HIBADH: variants seen among roughly 807,000 people sequenced by gnomAD.
HIBADH encodes 3-hydroxyisobutyrate dehydrogenase.
A neutral mutation model predicts 36.1 loss-of-function variants in HIBADH; 25 were observed. That is an observed-to-expected ratio of 0.69 (90% CI 0.50 to 0.97). The LOEUF (loss-of-function observed/expected upper bound fraction) is 0.97. HIBADH is among the 50% of genes least tolerant of loss of function. HIBADH has a pLI of 0.00. For missense variants in HIBADH, 421 were observed against 418.0 expected (o/e 1.01, Z -0.06); for synonymous variants, 160 against 149.5 (o/e 1.07, Z -0.51).
chr7:27,628,638 AT>A (rs1010133062), intron 4 of HIBADH, among the ~76,000 whole-genome samples: 2 of 152,092 alleles, frequency 1.3e-5, no homozygotes, highest in African/African-American at 4.8e-5. Flanking sequence ...ACTTTTAACC[AT>A]GTTAACATGG....
intron 4 of HIBADH, among the ~76,000 whole-genome samples, chr7:27,581,742 A>C (rs1208107898): frequency 6.6e-6 from 1 of 152,112 alleles, no homozygotes; most frequent in Non-Finnish European, 1.5e-5. Context: ...TTCAAAGTTC[A>C]GAAGACTCTG....
chr7:27,569,317 G>A (rs1309904820), intron 4 of HIBADH, among the ~76,000 whole-genome samples: 2 of 152,106 alleles, frequency 1.3e-5, no homozygotes, highest in African/African-American at 4.8e-5. Context: ...TTGGTATCTT[G>A]TCTCTTCCCT....
intron 4 of HIBADH, among the ~76,000 whole-genome samples, chr7:27,629,039 T>C (rs10951174): frequency 0.16 from 24,741 of 152,036 alleles, 2,183 homozygotes; most frequent in Middle Eastern, 0.2. Context: ...GTTCAATTTC[T>C]TTAACAGTTA....
chr7:27,662,709 C>A lies in HIBADH; in HGVS notation c.80G>T (p.Ser27Ile). 7.3e-7 allele frequency: 1 copy of A among 1,368,464 alleles called. No homozygotes were observed. The highest frequency in any genetic ancestry group is 9.5e-7 in the Non-Finnish European group (1 of 1,054,390). The allele number at this position is 1,368,464 out of a possible 1,614,324, so 84.8% of individuals were successfully genotyped here. Residue 27 changes from serine (S) to isoleucine (I), a missense_variant, in exon 1 of 8, where the codon AGC becomes ATC. Transcript: ENST00000265395. ...CGTGAGGTCCTTACCCGCTGCAAAGCTGCCGGCTGCCGGCCGCAGCCGCCG... is the reference window on the plus strand; with the variant it reads ...CGTGAGGTCCTTACCCGCTGCAAAGATGCCGGCTGCCGGCCGCAGCCGCCG... ...WSRRLRPAAG[S>I]FAAVCSRSVA... is the part of the protein sequence containing the mutation.
intron 2 of HIBADH, among the ~76,000 whole-genome samples, chr7:27,637,023 T>A (rs571902050): frequency 6.6e-6 from 1 of 152,316 alleles, no homozygotes; most frequent in African/African-American, 2.4e-5. Context: ...CTGGACTCAA[T>A]AATGCAGCTG....
intron 4 of HIBADH, among the ~76,000 whole-genome samples, chr7:27,613,307 T>C (rs1241205741): frequency 4.0e-4 from 4 of 10,084 alleles, no homozygotes; most frequent in African/African-American, 2.9e-3. Context: ...TTTTGTTTTA[T>C]ATATATATAT....
At chr7:27,575,147 G>A (rs1245316129) in intron 4 of HIBADH, among the ~76,000 whole-genome samples, 1 of 152,148 alleles carries the variant, frequency 6.6e-6, no homozygotes, top group Non-Finnish European at 1.5e-5. Flanking sequence ...TGCCAAATAG[G>A]TTTTTTAATT....
chr7:27,560,710 T>G (rs1241962441), intron 4 of HIBADH, among the ~76,000 whole-genome samples: 1 of 152,228 alleles, frequency 6.6e-6, no homozygotes, highest in East Asian at 1.9e-4. Context: ...ATACCACATT[T>G]TGTTTGTCCA....
intron 3 of HIBADH, among the ~76,000 whole-genome samples, 167 bp downstream of exon 3, chr7:27,632,169 A>C (rs567190966): frequency 2.0e-5 from 3 of 152,316 alleles, no homozygotes; most frequent in African/African-American, 7.2e-5. Flanking sequence ...GACTTCAGTG[A>C]AAAAATAAGC....
At position 27,530,352 on chromosome 7, in the gene HIBADH, C is replaced by T. The variant is rs757298557; in HGVS notation, c.852+840G>A. 1.3e-3 allele frequency among the ~76,000 whole-genome samples: 204 copies of T among 152,206 alleles called. 1 individual carries two copies. Among genetic ancestry groups the T allele is most frequent in the Non-Finnish European group, 2.4e-3 (161 of 68,020 alleles). On this transcript the variant is annotated intron_variant, in intron 7 of 7. Transcript: ENST00000265395. Reference sequence around the variant, plus strand: ...TCCTGAGTAGCTGGGCTTACAGACACGCACCACCACGCCCGACTAATTTTT... The same window carrying T: ...TCCTGAGTAGCTGGGCTTACAGACATGCACCACCACGCCCGACTAATTTTT...
chr7:27,527,453 A>C (rs1328236939), intron 7 of HIBADH, among the ~76,000 whole-genome samples: 2 of 152,236 alleles, frequency 1.3e-5, no homozygotes, highest in Admixed American at 1.3e-4. Context: ...GATGAATTCA[A>C]GGCATATTCA....
At chr7:27,545,177 ACAT>A (rs1210000657) in intron 4 of HIBADH, among the ~76,000 whole-genome samples, 18 of 152,210 alleles carry the variant, frequency 1.2e-4, no homozygotes, top group African/African-American at 4.3e-4. Context: ...ATAGTGGCTC[ACAT>A]CTGTAATCCC....
At chr7:27,647,670 T>A (rs1450248323) in intron 2 of HIBADH, 2 of 384,134 alleles carry the variant, frequency 5.2e-6, no homozygotes, top group Non-Finnish European at 1.1e-5. Flanking sequence ...CCTTCATACC[T>A]ACCTAAAATT....
chr7:27,633,955 T>A (rs545199529), intron 2 of HIBADH, among the ~76,000 whole-genome samples: 10 of 152,310 alleles, frequency 6.6e-5, no homozygotes, highest in Middle Eastern at 3.4e-3. Context: ...TTTATGTGCA[T>A]TTGATGAAAG....
At chr7:27,587,548 A>C (rs369884294) in intron 4 of HIBADH, among the ~76,000 whole-genome samples, 2 of 152,336 alleles carry the variant, frequency 1.3e-5, no homozygotes, top group South Asian at 2.1e-4. Flanking sequence ...GGTAAAGTTC[A>C]TGTGAGATAG....
At chr7:27,612,986 T>C (rs1298287022) in intron 4 of HIBADH, among the ~76,000 whole-genome samples, 1 of 137,686 alleles carries the variant, frequency 7.3e-6, no homozygotes, top group Non-Finnish European at 1.5e-5. Flanking sequence ...ATATATATAT[T>C]TTATATATAT....
At chr7:27,536,560 AT>A (rs143409545) in intron 6 of HIBADH, among the ~76,000 whole-genome samples, 111 of 151,994 alleles carry the variant, frequency 7.3e-4, no homozygotes, top group African/African-American at 2.6e-3. Context: ...ATCACTTTTC[AT>A]TTTCTCCTTG....
chr7:27,582,701 A>C (rs1252596120), intron 4 of HIBADH, among the ~76,000 whole-genome samples: 1 of 152,060 alleles, frequency 6.6e-6, no homozygotes. Context: ...CCTCAAAATC[A>C]ATCTGGTTTC....
rs553317630 is a variant in HIBADH, at chr7:27,558,359, G to A, written c.485-15259C>T. ...CCATTTTTTGGGGGGACAGGGTCTCGCTCGGTCACCCTGGCTGGAGTGTGG... is the reference window on the plus strand; with the variant it reads ...CCATTTTTTGGGGGGACAGGGTCTCACTCGGTCACCCTGGCTGGAGTGTGG... On this transcript the variant is annotated intron_variant, in intron 4 of 7. Coordinates refer to ENST00000265395, the MANE Select transcript of HIBADH (RefSeq NM_152740.4). 1.4e-4 allele frequency among the ~76,000 whole-genome samples: 22 copies of A among 152,094 alleles called. No homozygotes were observed. In the East Asian group the frequency reaches 3.3e-3, roughly 23 times the overall value.
Sources: allele counts gnomAD v4.1 joint callset (sites outside exome capture counted in the v4.1 genomes callset), GRCh38; gene constraint gnomAD v4.1.1; transcripts MANE v1.5; gene names NCBI Gene and HGNC (gene_info 2026-07-23, HGNC 2026-07-21).